The following GPAM variants were observed in gnomAD, a reference collection of about 807,000 sequenced individuals.
The protein encoded by GPAM is glycerol-3-phosphate acyltransferase 1, mitochondrial.
GPAM carries 56 observed loss-of-function variants against 105.0 expected under a neutral mutation model. That is an observed-to-expected ratio of 0.53 (90% CI 0.43 to 0.67). The LOEUF is 0.67. GPAM is among the 30% of genes least tolerant of loss of function. The probability of loss-of-function intolerance (pLI) is 0.00; values close to 1 mark genes in which losing one functional copy is unlikely to be tolerated. For synonymous variants in GPAM, 368 were observed against 354.4 expected (o/e 1.04, Z -0.43); for missense variants, 855 against 989.8 (o/e 0.86, Z 1.83).
At chr10:112,163,591 G>T in intron 14 of GPAM, 110 bp downstream of exon 14, 1 of 703,382 alleles carries the variant, frequency 1.4e-6, no homozygotes, top group South Asian at 1.5e-5. Context: ...CACCACCTGT[G>T]AATTAATAGA....
intron 15 of GPAM, among the ~76,000 whole-genome samples, chr10:112,161,402 T>C (rs2133234792): frequency 6.6e-6 from 1 of 152,362 alleles, no homozygotes; most frequent in South Asian, 2.1e-4. Flanking sequence ...GTTAATGAGT[T>C]AGACCTTATT....
At position 112,156,942 on chromosome 10, in the gene GPAM, ACTG is replaced by A. The variant is rs1043019461; in HGVS notation, c.2121+304_2121+306del. The A allele has an allele frequency of 6.2e-5, 33 of 529,268 alleles. 1 individual carries two copies. The Admixed American group carries it at 8.8e-4, about 14-fold the overall frequency. The allele number at this position is 529,268 out of a possible 1,614,324, so 32.8% of individuals were successfully genotyped here. A position where few individuals can be genotyped will look rare whatever the true frequency, so the allele number is the denominator to read the frequency against. On this transcript the variant is annotated intron_variant, in intron 19 of 21. Transcript: ENST00000348367. ...AGGTCAGTGGCAGCTCAATAGCAAA[ACTG>A]CTGCCTCATGAGGGGTGCAGGTGTA...
At chr10:112,183,448 G>T (rs1018113485) in intron 1 of GPAM, among the ~76,000 whole-genome samples, 1 of 152,216 alleles carries the variant, frequency 6.6e-6, no homozygotes, top group Non-Finnish European at 1.5e-5. Context: ...AGTCCATAAG[G>T]ACTCCTTCCA....
At chr10:112,185,605 CACACA>C (rs1847585749), upstream of GPAM, among the ~76,000 whole-genome samples, 1 of 73,102 alleles carries the variant, frequency 1.4e-5, no homozygotes, top group Non-Finnish European at 3.0e-5. Flanking sequence ...CACACACACA[CACACA>C]CACACAGGAT....
rs371765842 is a variant in GPAM, at chr10:112,160,690, G to C, written c.1673C>G (p.Thr558Ser). ...HTSRNDEFFI[T>S]PSTTVPSVFE... ...GACTGATGGGACAGTTGTGCTGGGG[G>C]TGATAAAAAACTCATCGTTCCTGCT... The change falls in exon 16 of 22, where the codon ACC becomes AGC. Residue 558 changes from threonine to serine, a missense_variant. Physicochemically the swap from Thr to Ser is moderately conservative, Grantham distance 58. Transcript: ENST00000348367. The C allele has an allele frequency of 2.8e-4, 454 of 1,613,548 alleles. 1 individual carries two copies. The highest frequency in any genetic ancestry group is 3.5e-4 in the Non-Finnish European group (414 of 1,179,580).
chr10:112,159,766 G>A (rs1847087960), intron 17 of GPAM, 145 bp downstream of exon 17: 1 of 794,114 alleles, frequency 1.3e-6, no homozygotes, highest in Non-Finnish European at 2.1e-6. Flanking sequence ...TGACATATTG[G>A]TTTGGTGGTC....
chr10:112,202,384 AG>A (rs71827671), intron 1 of GPAM, among the ~76,000 whole-genome samples: 4,896 of 152,236 alleles, frequency 0.032, 176 homozygotes, highest in African/African-American at 0.091. Context: ...TTTAAAAATG[AG>A]GGGGTGAAGA....
chr10:112,151,621 A>G lies in GPAM; in HGVS notation c.*1929T>C, dbSNP rs1846921419. On this transcript the variant is annotated 3_prime_UTR_variant, in exon 22 of 22. Coordinates refer to ENST00000348367, the MANE Select transcript of GPAM (RefSeq NM_001244949.2). ...AAGAGAAGCCGTATTTTCTTTGCTT[A>G]GGTTGGCAAAGCAGCAGCTCTTTGC... The G allele has an allele frequency of 1.0e-6, 1 of 985,440 alleles. No individual in the cohort carries two copies. Among genetic ancestry groups the G allele is most frequent in the African/African-American group, 1.7e-5 (1 of 57,242 alleles). The allele number at this position is 985,440 out of a possible 1,614,324, so 61.0% of individuals were successfully genotyped here. A position where few individuals can be genotyped will look rare whatever the true frequency, so the allele number is the denominator to read the frequency against.
chr10:112,166,235 A>G (rs1403492955), intron 12 of GPAM, among the ~76,000 whole-genome samples, 167 bp downstream of exon 12: 1 of 152,144 alleles, frequency 6.6e-6, no homozygotes, highest in Admixed American at 6.5e-5. Context: ...CAATAGGCAA[A>G]TTTTGTGGAA....
intron 19 of GPAM, chr10:112,156,980 G>C: frequency 1.7e-6 from 1 of 598,540 alleles, no homozygotes; most frequent in South Asian, 2.0e-5. Flanking sequence ...AGGTAAACAG[G>C]TATGCACCTG....
chr10:112,196,834 C>T (rs1384028240), intron 1 of GPAM, among the ~76,000 whole-genome samples: 1 of 152,206 alleles, frequency 6.6e-6, no homozygotes, highest in East Asian at 1.9e-4. Context: ...ACTTCCCTCA[C>T]CCCATTCCTT....
intron 1 of GPAM, among the ~76,000 whole-genome samples, chr10:112,207,526 G>C (rs1474842257): frequency 2.0e-5 from 3 of 152,136 alleles, no homozygotes; most frequent in African/African-American, 7.2e-5. Context: ...CCTTTTCTTA[G>C]GGAAGTAAAC....
chr10:112,202,693 T>C (rs1053858987), intron 1 of GPAM, among the ~76,000 whole-genome samples: 8 of 152,188 alleles, frequency 5.3e-5, no homozygotes, highest in Admixed American at 5.2e-4. Flanking sequence ...ATGTCCAAAA[T>C]AGTACCAAGC....
At chr10:112,164,067 A>G (rs895432847) in intron 13 of GPAM, among the ~76,000 whole-genome samples, 2 of 152,254 alleles carry the variant, frequency 1.3e-5, no homozygotes, top group African/African-American at 4.8e-5. Flanking sequence ...GAAAGAATAC[A>G]TAATTCAAGA....
chr10:112,186,998 G>A (rs1366499410), upstream of GPAM, among the ~76,000 whole-genome samples: 5 of 152,130 alleles, frequency 3.3e-5, no homozygotes, highest in Admixed American at 6.5e-5. Context: ...CTTATCTTAC[G>A]CACCAAGCAG....
rs1180503750 is a variant in GPAM at position 112,160,655 on chromosome 10, T to C, written c.1708A>G (p.Asn570Asp). The part of the protein sequence containing the change: ...STTVPSVFEL[N>D]FYSNGVLHVF... ...TGAAGTACCCCATTGCTGTAGAAGT[T>C]GAGTTCGAAGACTGATGGGACAGTT... The change falls in exon 16 of 22, where the codon AAC (asparagine) becomes GAC (aspartate). Residue 570 changes from asparagine (N) to aspartate (D), a missense_variant. Coordinates refer to ENST00000348367, the MANE Select transcript of GPAM (RefSeq NM_001244949.2). 1.2e-6 allele frequency: 2 copies of C among 1,613,470 alleles called. No individual in the cohort carries two copies. Among genetic ancestry groups the C allele is most frequent in the African/African-American group, 2.7e-5 (2 of 74,904 alleles).
At chr10:112,192,188 A>G (rs1847668176) in intron 1 of GPAM, among the ~76,000 whole-genome samples, 1 of 152,190 alleles carries the variant, frequency 6.6e-6, no homozygotes, top group South Asian at 2.1e-4. Flanking sequence ...GTAATACAGT[A>G]TTCATTCGTT....
chr10:112,173,053 C>A lies in GPAM; in HGVS notation c.574G>T (p.Val192Leu), dbSNP rs771572094. ...SPAMIRLTGWVLLKLFNSFFW... is the reference protein window; with the variant it reads ...SPAMIRLTGWLLLKLFNSFFW... ...AAGCTGTTGAACAGTTTTAGCAGCA[C>A]CCACCCAGTCAGTCTGAAACAAAGT... Residue 192 changes from valine (V) to leucine (L), a missense_variant, in exon 8 of 22, where the codon GTG becomes TTG. Physicochemically the swap from Val to Leu is conservative, Grantham distance 32. Coordinates refer to ENST00000348367, the MANE Select transcript of GPAM (RefSeq NM_001244949.2). 4.4e-5 allele frequency: 71 copies of A among 1,595,716 alleles called. No individual in the cohort carries two copies. In the South Asian group the frequency reaches 7.5e-4, roughly 17 times the overall value.
intron 1 of GPAM, among the ~76,000 whole-genome samples, chr10:112,190,430 A>T (rs527653135): frequency 6.6e-6 from 1 of 151,638 alleles, no homozygotes; most frequent in East Asian, 1.9e-4. Flanking sequence ...ACTTGAACCC[A>T]GGAGCCAGAG....
Sources: allele counts gnomAD v4.1 joint callset (sites outside exome capture counted in the v4.1 genomes callset), GRCh38; gene constraint gnomAD v4.1.1; transcripts MANE v1.5; gene names NCBI Gene and HGNC (gene_info 2026-07-23, HGNC 2026-07-21).